Variants in PLEKHG1 observed in about 807,000 individuals in gnomAD.
PLEKHG1 encodes pleckstrin homology domain-containing family G member 1.
In PLEKHG1, 44 loss-of-function variants were observed where a neutral mutation model predicts 100.8. The ratio of observed to expected loss-of-function variants is 0.44; its 90% confidence interval spans 0.34 to 0.56. The LOEUF (loss-of-function observed/expected upper bound fraction) is 0.56, where lower values mean the gene tolerates loss of function less well. Among genes scored for constraint, PLEKHG1 ranks in the 20% least tolerant of loss-of-function variants. The pLI, the probability that PLEKHG1 is intolerant of heterozygous loss-of-function variation, is 0.01. For missense variants in PLEKHG1, 1,545 were observed against 1,720.9 expected (o/e 0.90, Z 1.81); for synonymous variants, 640 against 662.5 (o/e 0.97, Z 0.52).
In PLEKHG1 at chr6:150,821,087, T is replaced by C. The variant is rs1008933538; in HGVS notation, c.1409-108T>C. The C allele has an allele frequency of 3.7e-6, 3 of 814,462 alleles. No homozygotes were observed. In the African/African-American group the frequency reaches 5.2e-5, roughly 14 times the overall value. The allele number at this position is 814,462 out of a possible 1,614,324, so 50.5% of individuals were successfully genotyped here. On this transcript the variant is annotated intron_variant, in intron 12 of 15. Transcript: ENST00000358517. Reference sequence around the variant, plus strand: ...ATTTTGTTAAATTTGATACAAAAGTTATAGAGCTCTGTTAATCTGTCAATA... The same window carrying C: ...ATTTTGTTAAATTTGATACAAAAGTCATAGAGCTCTGTTAATCTGTCAATA...
chr6:150,780,355 C>T (rs1164886694), intron 3 of PLEKHG1, among the ~76,000 whole-genome samples: 1 of 152,056 alleles, frequency 6.6e-6, no homozygotes, highest in Non-Finnish European at 1.5e-5. Flanking sequence ...ACCTCATGAT[C>T]TGCCCACGTC....
At chr6:150,765,283 A>G (rs1784399391) in intron 2 of PLEKHG1, among the ~76,000 whole-genome samples, 1 of 152,104 alleles carries the variant, frequency 6.6e-6, no homozygotes, top group Non-Finnish European at 1.5e-5. Flanking sequence ...ACCTGAGGTC[A>G]GGAGTTTGAG....
Position 150,701,466 on chromosome 6 carries a change from T to TATATAAAA in PLEKHG1, c.-98-32117_-98-32116insTATAAAAA, listed in dbSNP as rs1212311635. On this transcript the variant is annotated intron_variant, in intron 3 of 3. Coordinates refer to the PLEKHG1 transcript ENST00000367326. ...ATATATATATATATATATATATATA[T>TATATAAAA]AATTATACTTTAAGTTCTAGGGTAC... Among the ~76,000 whole-genome samples, 35 of 84,194 alleles carry TATATAAAA rather than the reference T, an allele frequency of 4.2e-4. 2 individuals carry two copies. The highest frequency in any genetic ancestry group is 4.0e-3 in the African/African-American group (34 of 8,572). 55.2% of individuals were successfully genotyped at this position (84,194 alleles called of 152,430 possible).
At chr6:150,826,678 A>G (rs1776628960) in intron 14 of PLEKHG1, among the ~76,000 whole-genome samples, 1 of 152,060 alleles carries the variant, frequency 6.6e-6, no homozygotes, top group African/African-American at 2.4e-5. Context: ...ATTTATTTTG[A>G]GACAGGGTCT....
chr6:150,610,726 G>GT (rs1776792408), intron 1 of PLEKHG1, among the ~76,000 whole-genome samples: 1 of 152,164 alleles, frequency 6.6e-6, no homozygotes, highest in South Asian at 2.1e-4. Context: ...TTTAGAAATT[G>GT]TTTTTGTTTG....
chr6:150,832,051 T>A, exon 15 of PLEKHG1: 1 of 1,614,136 alleles, frequency 6.2e-7, no homozygotes, highest in Non-Finnish European at 8.5e-7. Flanking sequence ...TTATGATGGC[T>A]CGGCAGTACA....
intron 3 of PLEKHG1, among the ~76,000 whole-genome samples, chr6:150,666,507 C>A (rs919100716): frequency 1.3e-5 from 2 of 152,118 alleles, no homozygotes; most frequent in South Asian, 2.1e-4. Flanking sequence ...CTGCTTGGGG[C>A]AGGATCAGAT....
chr6:150,671,884 C>T (rs1380789332), intron 3 of PLEKHG1, among the ~76,000 whole-genome samples: 1 of 152,046 alleles, frequency 6.6e-6, no homozygotes, highest in Admixed American at 6.6e-5. Context: ...GCCTTGCAGA[C>T]CATGTTAAGG....
intron 12 of PLEKHG1, among the ~76,000 whole-genome samples, chr6:150,820,879 A>G (rs1400798571): frequency 6.6e-6 from 1 of 152,164 alleles, no homozygotes; most frequent in African/African-American, 2.4e-5. Context: ...AAAAGAATGT[A>G]CAATTGAACA....
intron 1 of PLEKHG1, among the ~76,000 whole-genome samples, chr6:150,629,650 G>A (rs1777661253): frequency 6.6e-6 from 1 of 152,080 alleles, no homozygotes; most frequent in South Asian, 2.1e-4. Flanking sequence ...TAGTAGAGAG[G>A]AGGTTTCACC....
At chr6:150,819,499 A>T (rs1272719495) in intron 11 of PLEKHG1, among the ~76,000 whole-genome samples, 180 bp from the exon 13 acceptor site, 1 of 152,024 alleles carries the variant, frequency 6.6e-6, no homozygotes, top group African/African-American at 2.4e-5. Context: ...TGGGAGGTGG[A>T]GGTCAGCAGT....
At chr6:150,629,680 C>T (rs1199719999) in intron 1 of PLEKHG1, among the ~76,000 whole-genome samples, 2 of 152,074 alleles carry the variant, frequency 1.3e-5, no homozygotes, top group African/African-American at 4.8e-5. Flanking sequence ...AGGATGGTCT[C>T]GATCTCCTGA....
intron 3 of PLEKHG1, among the ~76,000 whole-genome samples, chr6:150,671,458 G>C (rs12661140): frequency 0.13 from 19,889 of 152,174 alleles, 1,542 homozygotes; most frequent in South Asian, 0.23. Context: ...GAGCCATTAT[G>C]GGTAAGAAGG....
intron 1 of PLEKHG1, among the ~76,000 whole-genome samples, chr6:150,721,575 C>T (rs1372227556): frequency 6.6e-6 from 1 of 152,168 alleles, no homozygotes; most frequent in Non-Finnish European, 1.5e-5. Flanking sequence ...CCAACATTTT[C>T]ATATGCTTTC....
intron 1 of PLEKHG1, among the ~76,000 whole-genome samples, chr6:150,637,757 C>T (rs1248212253): frequency 6.6e-6 from 1 of 152,098 alleles, no homozygotes; most frequent in African/African-American, 2.4e-5. Flanking sequence ...TCACCACTAT[C>T]TTTTTGTCAT....
rs764058895 is a variant in PLEKHG1, at chr6:150,831,208, A to T, written c.2097A>T (p.Leu699Phe). The T allele has an allele frequency of 6.2e-7, 1 of 1,614,068 alleles. No individual in the cohort carries two copies. The highest frequency in any genetic ancestry group is 2.2e-5 in the East Asian group (1 of 44,896). The change falls in exon 15 of 16, where the codon TTA (leucine) becomes TTT (phenylalanine). Residue 699 changes from leucine to phenylalanine, a missense_variant. Transcript: ENST00000358517. The surrounding 1 kb of genome is among the most constrained non-coding windows in gnomAD (Gnocchi z 4.1). ...TTCGCCCCAAGAGCACCCCAGAGTT[A>T]GCCTTCACAAAGAGGCAAGCTGGCC...
At chr6:150,805,905 AG>A (rs1198829769) in intron 7 of PLEKHG1, among the ~76,000 whole-genome samples, 2 of 152,198 alleles carry the variant, frequency 1.3e-5, no homozygotes, top group African/African-American at 4.8e-5. Flanking sequence ...CTGAATCTTA[AG>A]GAACTTTTGA....
At chr6:150,725,414 A>G (rs1583009166) in intron 1 of PLEKHG1, among the ~76,000 whole-genome samples, 1 of 152,254 alleles carries the variant, frequency 6.6e-6, no homozygotes, top group African/African-American at 2.4e-5. Flanking sequence ...AGTATTTAGT[A>G]TCTGACTTTA....
chr6:150,615,319 A>G (rs1163914166), intron 1 of PLEKHG1, among the ~76,000 whole-genome samples: 3 of 152,156 alleles, frequency 2.0e-5, no homozygotes, highest in Non-Finnish European at 4.4e-5. Context: ...GTCCCCCTCC[A>G]TAGCACAGAG....
Sources: allele counts gnomAD v4.1 joint callset (sites outside exome capture counted in the v4.1 genomes callset), GRCh38; gene constraint gnomAD v4.1.1; non-coding constraint Gnocchi (gnomAD v3.1); transcripts MANE v1.5; gene names NCBI Gene and HGNC (gene_info 2026-07-23, HGNC 2026-07-21).